The following PLEKHG4B variants were observed in gnomAD, a reference collection of about 807,000 sequenced individuals.
PLEKHG4B encodes the protein pleckstrin homology domain-containing family G member 4B.
In PLEKHG4B, 111 loss-of-function variants were observed where a neutral mutation model predicts 121.3. The ratio of observed to expected loss-of-function variants is 0.92; its 90% CI spans 0.78 to 1.07. The LOEUF is 1.07. PLEKHG4B is among the 50% of genes least tolerant of loss of function. The pLI is 0.00. For missense variants in PLEKHG4B, 1,831 were observed against 1,757.8 expected (o/e 1.04, Z -0.74); for synonymous variants, 738 against 725.0 (o/e 1.02, Z -0.29).
rs1330671379 is a variant in PLEKHG4B, at chr5:159,170, C to G, written c.2487+2259C>G. On this transcript the variant is annotated intron_variant, in intron 11 of 19. Coordinates refer to ENST00000637938, the MANE Select transcript of PLEKHG4B (RefSeq NM_052909.5). The surrounding 1 kb of genome is among the most constrained non-coding windows in gnomAD (Gnocchi z 5.5). ...AGGGCAGGTGTGCCCGAGGGTCACC[C>G]AGGTGCACTGAGAGCAGGTGTGCCT... is the stretch of plus-strand genomic sequence containing the variant. 6.6e-6 allele frequency among the ~76,000 whole-genome samples: 1 copy of G among 152,038 alleles called. No homozygotes were observed. Among genetic ancestry groups the G allele is most frequent in the East Asian group, 1.9e-4 (1 of 5,170 alleles).
intron 13 of PLEKHG4B, among the ~76,000 whole-genome samples, chr5:167,041 G>A (rs1736376368): frequency 6.6e-6 from 1 of 152,164 alleles, no homozygotes; most frequent in African/African-American, 2.4e-5. Flanking sequence ...CAGAACACAG[G>A]AAGGGGGGAC....
chr5:119,619 T>C (rs778337082), intron 2 of PLEKHG4B, among the ~76,000 whole-genome samples: 8 of 152,136 alleles, frequency 5.3e-5, no homozygotes, highest in Non-Finnish European at 8.8e-5. Context: ...CCAAGAGGTA[T>C]GGATATGGAA....
chr5:165,111 G>A (rs1374584591), intron 13 of PLEKHG4B, among the ~76,000 whole-genome samples: 2 of 123,878 alleles, frequency 1.6e-5, no homozygotes, highest in Non-Finnish European at 3.5e-5. Flanking sequence ...TGCTGTGACG[G>A]GGCGGAGCTC....
At position 186,757 on chromosome 5, in the gene PLEKHG4B, A is replaced by C. The variant is rs1315898395; in HGVS notation, c.*4434A>C. 1 of 152,526 alleles carries C rather than the reference A, an allele frequency of 6.6e-6. No homozygotes were observed. Among genetic ancestry groups the C allele is most frequent in the Non-Finnish European group, 1.5e-5 (1 of 68,384 alleles). 9.4% of individuals were successfully genotyped at this position (152,526 alleles called of 1,614,324 possible). ...GCCTCGACCACCAGTGCCTCCTTCC[A>C]AGCTGCCTGAGCAATCCTGGGTGGT... On this transcript the variant is annotated 3_prime_UTR_variant, in exon 20 of 20. Coordinates refer to ENST00000637938, the MANE Select transcript of PLEKHG4B (RefSeq NM_052909.5).
chr5:154,590 C>A (rs954656149), intron 7 of PLEKHG4B, among the ~76,000 whole-genome samples: 2 of 149,554 alleles, frequency 1.3e-5, no homozygotes, highest in East Asian at 3.9e-4. Context: ...GGAGAAGAGC[C>A]TTGACTCATT....
Position 156,690 on chromosome 5 carries a change from A to G in PLEKHG4B, c.2349-83A>G. ...TGTGGCATGAGGGAATGGAAAGAGC[A>G]GGGTTTTTATATGGGGTTGTCACCA... On this transcript the variant is annotated intron_variant, in intron 10 of 19. Coordinates refer to ENST00000637938, the MANE Select transcript of PLEKHG4B (RefSeq NM_052909.5). This position sits in a 1 kb window ranked among gnomAD's most constrained non-coding sequence, Gnocchi z 4.4. 11 of 1,470,054 alleles carry G rather than the reference A, an allele frequency of 7.5e-6. No homozygotes were observed. The highest frequency in any genetic ancestry group is 9.1e-6 in the Non-Finnish European group (10 of 1,101,578). 91.1% of individuals were successfully genotyped at this position (1,470,054 alleles called of 1,614,324 possible).
At chr5:134,314 G>T (rs540557794) in intron 2 of PLEKHG4B, among the ~76,000 whole-genome samples, 11 of 151,648 alleles carry the variant, frequency 7.3e-5, no homozygotes, top group Admixed American at 2.0e-4. Flanking sequence ...AGACTTTGGG[G>T]ATTCATGGGA....
chr5:188,789 T>G lies in PLEKHG4B; in HGVS notation c.*6466T>G, dbSNP rs1733703484. The G allele has an allele frequency of 6.6e-6, 1 of 152,204 alleles. No homozygotes were observed. Among genetic ancestry groups the G allele is most frequent in the African/African-American group, 2.4e-5 (1 of 41,432 alleles). 9.4% of individuals were successfully genotyped at this position (152,204 alleles called of 1,614,324 possible). ...CACAAGGTGGCCTCGCAGAGGAGCC[T>G]CCCGAGCTTTGGAACCAGAGGCAGG... On this transcript the variant is annotated 3_prime_UTR_variant, in exon 20 of 20. Coordinates refer to ENST00000637938, the MANE Select transcript of PLEKHG4B (RefSeq NM_052909.5).
Position 156,206 on chromosome 5 carries a change from A to G in PLEKHG4B, c.2344A>G (p.Ser782Gly). The G allele has an allele frequency of 1.3e-6, 2 of 1,514,044 alleles. No individual in the cohort carries two copies. Among genetic ancestry groups the G allele is most frequent in the East Asian group, 2.4e-5 (1 of 42,460 alleles). 93.8% of individuals were successfully genotyped at this position (1,514,044 alleles called of 1,614,324 possible). ...LRREELGTED[S>G]RDTLEAATSL... The stretch of plus-strand genomic sequence containing the variant: ...GAGAGAAGAGCTTGGCACAGAAGAC[A>G]GCCGGTGAGCGCTCACAGGGGTCAT... The change falls in exon 10 of 20, where the codon AGC becomes GGC. Residue 782 changes from serine (S) to glycine (G), a missense_variant. Coordinates refer to ENST00000637938, the MANE Select transcript of PLEKHG4B (RefSeq NM_052909.5). The surrounding 1 kb of genome is among the most constrained non-coding windows in gnomAD (Gnocchi z 4.4).
In PLEKHG4B at chr5:188,281, G is replaced by T. The variant is rs1040679128; in HGVS notation, c.*5958G>T. 3 of 152,384 alleles carry T rather than the reference G, an allele frequency of 2.0e-5. No individual in the cohort carries two copies. Among genetic ancestry groups the T allele is most frequent in the African/African-American group, 7.2e-5 (3 of 41,442 alleles). 9.4% of individuals were successfully genotyped at this position (152,384 alleles called of 1,614,324 possible). On this transcript the variant is annotated 3_prime_UTR_variant, in exon 20 of 20. Transcript: ENST00000637938. ...CTTTGTTACTCATGCTTCCCAGACT[G>T]CGTGCTGTGTCAGAGTTTTCACACC...
chr5:109,775 G>A (rs1330747860), intron 1 of PLEKHG4B, among the ~76,000 whole-genome samples: 9 of 152,182 alleles, frequency 5.9e-5, no homozygotes, highest in African/African-American at 7.2e-5. Context: ...TACCGCCACC[G>A]CCCCATTGGC....
chr5:153,038 A>G (rs1735655708), intron 7 of PLEKHG4B, among the ~76,000 whole-genome samples: 2 of 152,352 alleles, frequency 1.3e-5, no homozygotes, highest in South Asian at 4.1e-4. Context: ...CTCAGGTAGT[A>G]TCTTTACAGC....
chr5:124,188 G>C (rs1039532064), intron 2 of PLEKHG4B, among the ~76,000 whole-genome samples: 5 of 151,968 alleles, frequency 3.3e-5, no homozygotes, highest in African/African-American at 9.7e-5. Context: ...TCATCCCTTT[G>C]TGATCGGCGA....
intron 14 of PLEKHG4B, 148 bp from the exon 15 acceptor site, chr5:170,895 C>T: frequency 1.6e-6 from 1 of 627,186 alleles, no homozygotes; most frequent in African/African-American, 1.8e-5. Flanking sequence ...TAATGAAGGG[C>T]CGAGTCTCCC....
At chr5:115,783 C>G (rs374117068) in intron 2 of PLEKHG4B, among the ~76,000 whole-genome samples, 19 of 152,222 alleles carry the variant, frequency 1.2e-4, no homozygotes, top group African/African-American at 4.3e-4. Flanking sequence ...CCTCTCTCAG[C>G]CTTCATAGAA....
At chr5:121,109 T>C (rs1232926384) in intron 2 of PLEKHG4B, among the ~76,000 whole-genome samples, 1 of 151,864 alleles carries the variant, frequency 6.6e-6, no homozygotes, top group African/African-American at 2.4e-5. Context: ...TAGCCAGTCA[T>C]GGTGGCGGGT....
At chr5:96,109 G>A (rs1178070296) in intron 1 of PLEKHG4B, among the ~76,000 whole-genome samples, 1 of 152,216 alleles carries the variant, frequency 6.6e-6, no homozygotes, top group Non-Finnish European at 1.5e-5. Flanking sequence ...GTGGGTGGTG[G>A]TGTTACAGTG....
Position 139,652 on chromosome 5 carries a change from T to C in PLEKHG4B, c.413T>C (p.Leu138Pro). The C allele has an allele frequency of 2.5e-6, 1 of 398,872 alleles. No homozygotes were observed. Among genetic ancestry groups the C allele is most frequent in the Non-Finnish European group, 4.4e-6 (1 of 226,098 alleles). 24.7% of individuals were successfully genotyped at this position (398,872 alleles called of 1,614,324 possible). ...TCAGCTAGACTGGTCTTGAAATGCC[T>C]GTCCCGGCTGGGAAGAGGCACAGAG... Reference protein sequence around the residue: ...KQSARLVLKCLSRLGRGTEEV... With the variant: ...KQSARLVLKCPSRLGRGTEEV... Residue 138 changes from leucine (L) to proline (P), a missense_variant, in exon 3 of 20, where the codon CTG becomes CCG. Coordinates refer to ENST00000637938, the MANE Select transcript of PLEKHG4B (RefSeq NM_052909.5). The surrounding 1 kb of genome is among the most constrained non-coding windows in gnomAD (Gnocchi z 5.0).
Position 170,989 on chromosome 5 carries a change from G to A in PLEKHG4B, c.3730-54G>A, listed in dbSNP as rs1434015992. The A allele has an allele frequency of 2.7e-6, 4 of 1,458,162 alleles. No homozygotes were observed. In the African/African-American group the frequency reaches 5.6e-5, roughly 20 times the overall value. 90.3% of individuals were successfully genotyped at this position (1,458,162 alleles called of 1,614,324 possible). A position where few individuals can be genotyped will look rare whatever the true frequency, so the allele number is the denominator to read the frequency against. ...AGTCTGACCCGGGCTGCGGGAGCCT[G>A]CTGTCTCTGGGCCTGTCACTCCCAC... On this transcript the variant is annotated intron_variant, in intron 14 of 19. Transcript: ENST00000637938.
Sources: gnomAD v4.1 joint callset for allele counts (sites outside exome capture counted in the v4.1 genomes callset) on GRCh38, gnomAD v4.1.1 for gene constraint, Gnocchi (gnomAD v3.1) non-coding constraint, MANE v1.5 for transcripts, NCBI Gene and HGNC (gene_info 2026-07-23, HGNC 2026-07-21) for gene names.